The following FARP2 variants were observed in gnomAD, a reference collection of about 807,000 sequenced individuals.
FARP2 encodes the protein FERM, ARHGEF and pleckstrin domain-containing protein 2.
FARP2 carries 111 observed loss-of-function variants against 130.5 expected under a neutral mutation model. The observed-to-expected ratio is 0.85, with a 90% CI of 0.73 to 1.00. The LOEUF (loss-of-function observed/expected upper bound fraction) is 1.00, where lower values mean the gene tolerates loss of function less well. Among genes scored for constraint, FARP2 ranks in the 50% least tolerant of loss-of-function variants. FARP2 has a pLI of 0.00. For synonymous variants in FARP2, 504 were observed against 516.9 expected, an observed-to-expected ratio of 0.98 and a Z score of 0.34; for missense variants, 1,385 against 1,346.3, an observed-to-expected ratio of 1.03 and a Z score of -0.45.
intron 14 of FARP2, among the ~76,000 whole-genome samples, chr2:241,461,145 C>A (rs974207124): frequency 2.0e-5 from 3 of 152,168 alleles, no homozygotes; most frequent in Admixed American, 6.5e-5. Flanking sequence ...TCCCAAACCT[C>A]CAGTCATGGC....
At chr2:241,442,367 G>A (rs1559775083) in intron 13 of FARP2, 1 of 456,696 alleles carries the variant, frequency 2.2e-6, no homozygotes, top group East Asian at 6.9e-5. Flanking sequence ...GACTCCAGCA[G>A]CACAGAGTCA....
chr2:241,426,282 G>A (rs947759796), intron 8 of FARP2, among the ~76,000 whole-genome samples: 5 of 152,136 alleles, frequency 3.3e-5, no homozygotes, highest in African/African-American at 7.2e-5. Flanking sequence ...GGTACATGCC[G>A]GTGAAGCAAA....
chr2:241,383,845 C>T (rs756217367), intron 2 of FARP2, among the ~76,000 whole-genome samples: 3 of 152,024 alleles, frequency 2.0e-5, no homozygotes, highest in Admixed American at 1.3e-4. Context: ...TGGTTTGGGG[C>T]CATGTGGAGT....
At chr2:241,489,701 T>G (rs1245194382) in intron 21 of FARP2, 1 of 311,274 alleles carries the variant, frequency 3.2e-6, no homozygotes, top group Non-Finnish European at 5.9e-6. Context: ...TTCCTTTGCT[T>G]GATTTTCAGC....
chr2:241,410,996 G>A, intron 5 of FARP2, 37 bp from the exon 6 acceptor site: 3 of 1,335,704 alleles, frequency 2.2e-6, no homozygotes, highest in Admixed American at 1.8e-5. Flanking sequence ...GAGAACATTT[G>A]GAATTGATCT....
chr2:241,390,350 C>T (rs1382155853), intron 2 of FARP2, among the ~76,000 whole-genome samples: 2 of 152,224 alleles, frequency 1.3e-5, no homozygotes, highest in African/African-American at 4.8e-5. Flanking sequence ...ACAGGAGTCA[C>T]GAGGCATCTT....
chr2:241,364,627 T>C (rs887094948), intron 1 of FARP2, among the ~76,000 whole-genome samples: 3 of 152,158 alleles, frequency 2.0e-5, no homozygotes, highest in African/African-American at 7.2e-5. Context: ...ATATAGAAAG[T>C]CTTGGCAAGA....
chr2:241,406,174 G>C (rs1420025571), intron 4 of FARP2, among the ~76,000 whole-genome samples: 2 of 151,280 alleles, frequency 1.3e-5, no homozygotes, highest in African/African-American at 4.9e-5. Context: ...GGGGCATGGT[G>C]GGGGGCGCCT....
rs375134891 is a variant in FARP2 at position 241,468,391 on chromosome 2, C to T, written c.2131+14C>T. 1.2e-5 allele frequency: 19 copies of T among 1,588,236 alleles called. No individual in the cohort carries two copies. The highest frequency in any genetic ancestry group is 8.9e-5 in the East Asian group (4 of 44,750). ...CTGACTGCCATGGTGAGTGTGGGTG[C>T]GGCCCTGCATCTCAAGGATCAGCGT... On this transcript the variant is annotated intron_variant, in intron 18 of 26. Transcript: ENST00000264042.
Position 241,484,323 on chromosome 2 carries a change from G to A in FARP2, c.2413G>A (p.Gly805Ser), listed in dbSNP as rs1170089378. 7 of 1,613,936 alleles carry A rather than the reference G, an allele frequency of 4.3e-6. No homozygotes were observed. Among genetic ancestry groups the A allele is most frequent in the Non-Finnish European group, 5.9e-6 (7 of 1,179,926 alleles). Residue 805 changes from glycine to serine, a missense_variant, in exon 21 of 27, where the codon GGC (glycine) becomes AGC (serine). Gly to Ser is a moderately conservative substitution (Grantham distance 56). Coordinates refer to ENST00000264042, the MANE Select transcript of FARP2 (RefSeq NM_014808.4). ...FRIRGLLPLQ[G>S]MLVEESDNEW... The stretch of plus-strand genomic sequence containing the variant: ...GATCCGGGGCCTCCTTCCCCTCCAA[G>A]GCATGCTGGTGAGTGGTCTTGCACC...
chr2:241,439,769 T>G (rs1477293667), intron 12 of FARP2, among the ~76,000 whole-genome samples: 1 of 152,092 alleles, frequency 6.6e-6, no homozygotes, highest in Non-Finnish European at 1.5e-5. Flanking sequence ...CGAGACCAGC[T>G]TGGCCAACAT....
rs1342563211 is a variant in FARP2 at position 241,415,349 on chromosome 2, GTGT to G, written c.623+1932_623+1934del. Among the ~76,000 whole-genome samples, 4 of 152,310 alleles carry G rather than the reference GTGT, an allele frequency of 2.6e-5. No individual in the cohort carries two copies. The East Asian group carries it at 5.8e-4, about 22-fold the overall frequency. On this transcript the variant is annotated intron_variant, in intron 7 of 26. Transcript: ENST00000264042. ...CCATGGAGCCAAGGGCCCTCTGCTAGTGTTGTGTGCCATCCCAGCAGGAAACGG... is the reference window on the plus strand; with the variant it reads ...CCATGGAGCCAAGGGCCCTCTGCTAGTGTGTGCCATCCCAGCAGGAAACGG...
chr2:241,493,271 G>A (rs764649553), intron 25 of FARP2, 22 bp from the exon 26 acceptor site: 11 of 1,610,502 alleles, frequency 6.8e-6, no homozygotes, highest in East Asian at 6.7e-5. Flanking sequence ...CCTGGAACCC[G>A]TGTCCCTATG....
rs372672503 is a variant in FARP2 at position 241,405,725 on chromosome 2, G to A, written c.331+884G>A. Among the ~76,000 whole-genome samples, 707 of 152,282 alleles carry A rather than the reference G, an allele frequency of 4.6e-3. 8 individuals are homozygous for A. Among genetic ancestry groups the A allele is most frequent in the Middle Eastern group, 0.034 (10 of 294 alleles). ...CAAGCGGGCAGATCACCTGAGGTCA[G>A]GAGTTCGAGACCAGCCTCGCCAACA... On this transcript the variant is annotated intron_variant, in intron 4 of 26. Coordinates refer to ENST00000264042, the MANE Select transcript of FARP2 (RefSeq NM_014808.4).
intron 19 of FARP2, among the ~76,000 whole-genome samples, chr2:241,477,002 G>C (rs1236143873): frequency 6.6e-6 from 1 of 151,692 alleles, no homozygotes; most frequent in Non-Finnish European, 1.5e-5. Context: ...CCACTGATCT[G>C]CTTTCTGTCT....
intron 1 of FARP2, among the ~76,000 whole-genome samples, chr2:241,370,045 G>T (rs895685204): frequency 6.6e-6 from 1 of 152,168 alleles, no homozygotes. Flanking sequence ...GTAGTAGGGG[G>T]TGGGAAATTA....
chr2:241,366,981 A>C (rs1185261892), intron 1 of FARP2, among the ~76,000 whole-genome samples: 2 of 151,994 alleles, frequency 1.3e-5, no homozygotes, highest in Admixed American at 6.6e-5. Flanking sequence ...GTCTTTTTTA[A>C]ATCACAGCTT....
intron 2 of FARP2, among the ~76,000 whole-genome samples, chr2:241,376,067 G>C (rs1252159469): frequency 6.6e-6 from 1 of 152,188 alleles, no homozygotes; most frequent in East Asian, 1.9e-4. Context: ...TCACAGGTCT[G>C]TTTGTTGGTT....
Position 241,479,636 on chromosome 2 carries a change from T to G in FARP2, c.2262+3649T>G, listed in dbSNP as rs555182240. On this transcript the variant is annotated intron_variant, in intron 19 of 26. Coordinates refer to ENST00000264042, the MANE Select transcript of FARP2 (RefSeq NM_014808.4). ...AGGCGAGAGAACTTTGTACCCCTTTTCAGTGTGGATAGACTCCCCAGTGCT... is the reference window on the plus strand; with the variant it reads ...AGGCGAGAGAACTTTGTACCCCTTTGCAGTGTGGATAGACTCCCCAGTGCT... Among the ~76,000 whole-genome samples the G allele has an allele frequency of 5.0e-3, 757 of 152,350 alleles. 1 individual carries two copies. Among genetic ancestry groups the G allele is most frequent in the Non-Finnish European group, 8.1e-3 (553 of 68,028 alleles).
Sources: gnomAD v4.1 joint callset for allele counts (sites outside exome capture counted in the v4.1 genomes callset) on GRCh38, gnomAD v4.1.1 for gene constraint, MANE v1.5 for transcripts, NCBI Gene and HGNC (gene_info 2026-07-23, HGNC 2026-07-21) for gene names.